The following ESF1 variants were observed in gnomAD, a reference collection of about 807,000 sequenced individuals.
ESF1 encodes ESF1 nucleolar pre-rRNA processing protein.
In ESF1, 58 loss-of-function variants were observed where a neutral mutation model predicts 92.0. The observed-to-expected ratio is 0.63, with a 90% CI of 0.51 to 0.78. ESF1 has a LOEUF of 0.78. Among genes scored for constraint, ESF1 ranks in the 30% least tolerant of loss-of-function variants. The pLI is 0.00. For missense variants in ESF1, 922 were observed against 989.1 expected (o/e 0.93, Z 0.91); for synonymous variants, 321 against 313.7 (o/e 1.02, Z -0.24).
chr20:13,772,179 G>A (rs1328936199), intron 5 of ESF1, among the ~76,000 whole-genome samples: 1 of 150,860 alleles, frequency 6.6e-6, no homozygotes, highest in Non-Finnish European at 1.5e-5. Flanking sequence ...GGCAAACAGA[G>A]CTTCAATGAT....
intron 13 of ESF1, among the ~76,000 whole-genome samples, chr20:13,715,844 C>T (rs371025182): frequency 6.6e-6 from 1 of 152,128 alleles, no homozygotes; most frequent in African/African-American, 2.4e-5. Context: ...AATACAAGTC[C>T]ACCTGGAGAT....
At chr20:13,748,301 G>C (rs1302992010) in intron 9 of ESF1, among the ~76,000 whole-genome samples, 1 of 151,920 alleles carries the variant, frequency 6.6e-6, no homozygotes, top group African/African-American at 2.4e-5. Flanking sequence ...TAACCACCTT[G>C]AAGAACTTAA....
In ESF1 at chr20:13,776,044, CTCATCTTCATCCTCCTCT is replaced by C. The variant is rs751194986; in HGVS notation, c.846_863del (p.Glu283_Glu288del). ...CACTTTTATCATCATCCTCACTATC[CTCATCTTCATCCTCCTCT>C]TCATCTTCATCCTCCTCTTCATCAT... On this transcript the variant is annotated inframe_deletion, in exon 3 of 14. Coordinates refer to ENST00000617257, the MANE Select transcript of ESF1 (RefSeq NM_001276380.2). The C allele has an allele frequency of 1.7e-4, 272 of 1,613,830 alleles. No homozygotes were observed. Among genetic ancestry groups the C allele is most frequent in the African/African-American group, 1.2e-3 (92 of 75,006 alleles).
chr20:13,714,836 GA>G lies in ESF1; in HGVS notation c.*37del. On this transcript the variant is annotated 3_prime_UTR_variant, in exon 14 of 14. Coordinates refer to ENST00000617257, the MANE Select transcript of ESF1 (RefSeq NM_001276380.2). ...CTCCTATTATTTTTGTACATTTTAG[GA>G]AAAGATGTATTCAGTTCAAAAATAA... The G allele has an allele frequency of 6.8e-7, 1 of 1,480,794 alleles. No individual in the cohort carries two copies. Among genetic ancestry groups the G allele is most frequent in the Non-Finnish European group, 9.1e-7 (1 of 1,100,416 alleles). The allele number at this position is 1,480,794 out of a possible 1,614,324, so 91.7% of individuals were successfully genotyped here. A position where few individuals can be genotyped will look rare whatever the true frequency, so the allele number is the denominator to read the frequency against.
At chr20:13,737,217 C>G (rs1344332385) in intron 9 of ESF1, among the ~76,000 whole-genome samples, 1 of 152,138 alleles carries the variant, frequency 6.6e-6, no homozygotes, top group Non-Finnish European at 1.5e-5. Context: ...AAAATAACAT[C>G]AATAATCCTA....
chr20:13,715,120 C>T lies in ESF1; in HGVS notation c.2310G>A (p.Leu770=). 1 of 1,611,696 alleles carries T rather than the reference C, an allele frequency of 6.2e-7. No homozygotes were observed. Among genetic ancestry groups the T allele is most frequent in the Non-Finnish European group, 8.5e-7 (1 of 1,179,538 alleles). The change falls in exon 14 of 14, where the codon TTG becomes TTA. Residue 770 remains leucine, a synonymous_variant. Transcript: ENST00000617257. The stretch of plus-strand genomic sequence containing the variant: ...TGGGATCTGAGGGGTCCAAATTGAA[C>T]AAGTGGGAAGTGTACATTGCCTGAA... ...ARFQAMYTSH[L]FNLDPSDPNF...
At chr20:13,732,367 A>G (rs1405115421) in intron 10 of ESF1, among the ~76,000 whole-genome samples, 1 of 152,192 alleles carries the variant, frequency 6.6e-6, no homozygotes, top group African/African-American at 2.4e-5. Flanking sequence ...CAAAACACCC[A>G]ATTTCTCCAT....
At chr20:13,718,036 T>C (rs2049842273) in intron 12 of ESF1, among the ~76,000 whole-genome samples, 1 of 152,018 alleles carries the variant, frequency 6.6e-6, no homozygotes, top group Non-Finnish European at 1.5e-5. Flanking sequence ...TTCTGAAATC[T>C]AGTAAATGTC....
chr20:13,750,361 T>C (rs1414689521), intron 9 of ESF1, among the ~76,000 whole-genome samples: 1 of 151,934 alleles, frequency 6.6e-6, no homozygotes, highest in East Asian at 1.9e-4. Flanking sequence ...AAAAATTAGT[T>C]GGGTGTGGTG....
chr20:13,742,689 C>T (rs1215926016), intron 9 of ESF1, among the ~76,000 whole-genome samples: 5 of 151,944 alleles, frequency 3.3e-5, no homozygotes, highest in Non-Finnish European at 5.9e-5. Context: ...TGACCTACAG[C>T]TACACAAAAT....
chr20:13,748,549 T>TGG (rs1491158639), intron 9 of ESF1, among the ~76,000 whole-genome samples: 6 of 40,682 alleles, frequency 1.5e-4, no homozygotes, highest in Middle Eastern at 9.4e-3. Context: ...TATGTGTGTG[T>TGG]ATATATATAT....
chr20:13,773,055 C>T (rs1340624101), intron 4 of ESF1, among the ~76,000 whole-genome samples: 1 of 152,128 alleles, frequency 6.6e-6, no homozygotes, highest in Admixed American at 6.6e-5. Flanking sequence ...TACCATTTAT[C>T]CAGTGCTTTC....
chr20:13,760,669 G>A (rs1258030661), intron 8 of ESF1, among the ~76,000 whole-genome samples: 1 of 151,476 alleles, frequency 6.6e-6, no homozygotes, highest in African/African-American at 2.4e-5. Flanking sequence ...GAGGCGGGGG[G>A]TCAGCCCCTG....
At chr20:13,716,607 CCAT>C (rs967013614) in intron 13 of ESF1, among the ~76,000 whole-genome samples, 21 of 151,916 alleles carry the variant, frequency 1.4e-4, no homozygotes, top group Non-Finnish European at 2.8e-4. Flanking sequence ...TTTGGCTCCA[CCAT>C]CAGTCTTTCT....
intron 9 of ESF1, among the ~76,000 whole-genome samples, chr20:13,756,625 T>C (rs974012439): frequency 6.6e-6 from 1 of 152,224 alleles, no homozygotes. Flanking sequence ...TCCCAGATAC[T>C]TGGCATCTGG....
chr20:13,720,518 G>A (rs960290379), intron 11 of ESF1, among the ~76,000 whole-genome samples: 1 of 152,156 alleles, frequency 6.6e-6, no homozygotes, highest in East Asian at 1.9e-4. Flanking sequence ...ATAGTGGACC[G>A]AGTGGCAAGG....
rs1249163966 is a variant in ESF1 at position 13,771,307 on chromosome 20, T to C, written c.1403+24A>G. The C allele has an allele frequency of 2.5e-6, 4 of 1,580,616 alleles. No homozygotes were observed. The African/African-American group carries it at 4.1e-5, about 16-fold the overall frequency. On this transcript the variant is annotated intron_variant, in intron 6 of 13. Coordinates refer to ENST00000617257, the MANE Select transcript of ESF1 (RefSeq NM_001276380.2). The stretch of plus-strand genomic sequence containing the variant: ...AATCATGTTGTACTAAAAGATTAAA[T>C]TGGTAATACATACACTGGATTACCT...
intron 11 of ESF1, among the ~76,000 whole-genome samples, chr20:13,726,317 C>T (rs760610082): frequency 3.9e-5 from 6 of 152,182 alleles, no homozygotes; most frequent in Non-Finnish European, 7.3e-5. Flanking sequence ...ACTGAGTCTC[C>T]AGCCTGTCCT....
chr20:13,733,634 T>C (rs1278226069), intron 10 of ESF1, 87 bp downstream of exon 10: 1 of 1,374,160 alleles, frequency 7.3e-7, no homozygotes, highest in East Asian at 2.3e-5. Flanking sequence ...AGTGGTTACA[T>C]TTTGAGATAA....
Sources: allele counts gnomAD v4.1 joint callset (sites outside exome capture counted in the v4.1 genomes callset), GRCh38; gene constraint gnomAD v4.1.1; transcripts MANE v1.5; gene names NCBI Gene and HGNC (gene_info 2026-07-23, HGNC 2026-07-21).